Variants in RASSF8 observed in about 807,000 individuals in gnomAD.
RASSF8 encodes the protein Ras association domain family member 8.
RASSF8 carries 22 observed loss-of-function variants against 48.5 expected under a neutral mutation model. That is an observed-to-expected ratio of 0.45 (90% CI 0.32 to 0.65). The LOEUF (loss-of-function observed/expected upper bound fraction) is 0.65, where lower values mean the gene tolerates loss of function less well. RASSF8 is among the 30% of genes least tolerant of loss of function. The probability of loss-of-function intolerance (pLI) is 0.03; values close to 1 mark genes in which losing one functional copy is unlikely to be tolerated. For missense variants in RASSF8, 418 were observed against 489.2 expected (o/e 0.85, Z 1.37); for synonymous variants, 127 against 171.5 (o/e 0.74, Z 2.03).
chr12:25,989,463 C>G (rs188000407), intron 1 of RASSF8, among the ~76,000 whole-genome samples: 1 of 149,562 alleles, frequency 6.7e-6, no homozygotes, highest in Non-Finnish European at 1.5e-5. Flanking sequence ...CTTATCAAAA[C>G]GGCGAAGTTG....
rs1941394839 is a variant in RASSF8 at position 25,967,889 on chromosome 12, C to T, written c.-203+8741C>T. Reference sequence around the variant, plus strand: ...GGAGTTAGAGACAACCCTGTCTGTTCAAGTCATGCAAGGATGGGAGAAGAG... The same window carrying T: ...GGAGTTAGAGACAACCCTGTCTGTTTAAGTCATGCAAGGATGGGAGAAGAG... On this transcript the variant is annotated intron_variant, in intron 1 of 5. Coordinates refer to ENST00000689635, the MANE Select transcript of RASSF8 (RefSeq NM_001394098.1). 2.6e-5 allele frequency among the ~76,000 whole-genome samples: 4 copies of T among 152,184 alleles called. No individual in the cohort carries two copies. The South Asian group carries it at 8.3e-4, about 32-fold the overall frequency.
In RASSF8 at chr12:25,965,768, A is replaced by C. The variant is rs146860251; in HGVS notation, c.-203+6620A>C. Among the ~76,000 whole-genome samples the C allele has an allele frequency of 2.5e-3, 374 of 152,314 alleles. 3 individuals are homozygous for C. The highest frequency in any genetic ancestry group is 8.5e-3 in the African/African-American group (354 of 41,560). On this transcript the variant is annotated intron_variant, in intron 1 of 5. Transcript: ENST00000689635. ...TTCAAATTTTCTGGAATTTTAGATT[A>C]ATGGAATTATGCAGTAATATACTTT...
intron 2 of RASSF8, among the ~76,000 whole-genome samples, chr12:26,047,368 T>TA: frequency 6.6e-6 from 1 of 152,352 alleles, no homozygotes; most frequent in African/African-American, 2.4e-5. Context: ...CTTATATCAA[T>TA]AATAACTCAT....
At chr12:26,010,072 T>C (rs1304753610) in intron 2 of RASSF8, among the ~76,000 whole-genome samples, 1 of 152,080 alleles carries the variant, frequency 6.6e-6, no homozygotes, top group East Asian at 1.9e-4. Context: ...GCCCCTGCAG[T>C]AGTACTGGTC....
chr12:26,063,378 G>A (rs752957881), intron 3 of RASSF8, among the ~76,000 whole-genome samples: 2 of 151,834 alleles, frequency 1.3e-5, no homozygotes, highest in African/African-American at 2.4e-5. Flanking sequence ...ATGTATATGT[G>A]ATTGTATTCT....
intron 2 of RASSF8, among the ~76,000 whole-genome samples, chr12:26,017,868 C>G (rs1054518460): frequency 2.0e-5 from 3 of 152,194 alleles, no homozygotes; most frequent in Non-Finnish European, 4.4e-5. Flanking sequence ...GGGTCCAGAT[C>G]CATTTTCATA....
intron 2 of RASSF8, among the ~76,000 whole-genome samples, chr12:26,040,279 A>G (rs937457476): frequency 1.3e-5 from 2 of 152,224 alleles, no homozygotes; most frequent in African/African-American, 4.8e-5. Flanking sequence ...TTGGAACCAG[A>G]AAATTTCCCA....
At chr12:26,009,807 G>T (rs1450549556) in intron 2 of RASSF8, among the ~76,000 whole-genome samples, 1 of 152,216 alleles carries the variant, frequency 6.6e-6, no homozygotes, top group Non-Finnish European at 1.5e-5. Flanking sequence ...AGATGGTAGG[G>T]GCAAAAGCAT....
chr12:26,027,269 A>G (rs1169664531), intron 2 of RASSF8, among the ~76,000 whole-genome samples: 4 of 152,204 alleles, frequency 2.6e-5, no homozygotes, highest in Admixed American at 6.5e-5. Context: ...GTAACTGGTG[A>G]TAGTTCCATA....
intron 1 of RASSF8, among the ~76,000 whole-genome samples, chr12:25,983,741 A>G (rs1941799276): frequency 6.6e-6 from 1 of 152,204 alleles, no homozygotes; most frequent in African/African-American, 2.4e-5. Flanking sequence ...GATTGTAGAA[A>G]GCATAAGGCA....
chr12:26,045,567 T>G (rs962534807), intron 2 of RASSF8, among the ~76,000 whole-genome samples: 1 of 152,210 alleles, frequency 6.6e-6, no homozygotes, highest in Non-Finnish European at 1.5e-5. Context: ...GACATTTGGC[T>G]CTTTGAAGCC....
chr12:25,993,544 G>A (rs543833324), intron 1 of RASSF8, among the ~76,000 whole-genome samples: 1 of 152,176 alleles, frequency 6.6e-6, no homozygotes, highest in Non-Finnish European at 1.5e-5. Flanking sequence ...CCCAAGGATG[G>A]GAATGAGGGT....
intron 2 of RASSF8, among the ~76,000 whole-genome samples, chr12:26,018,453 A>G (rs1942704831): frequency 1.3e-5 from 2 of 152,152 alleles, no homozygotes; most frequent in Non-Finnish European, 2.9e-5. Context: ...TTTATGTACT[A>G]AAAAAACTAA....
chr12:26,034,199 A>T (rs1203448718), intron 2 of RASSF8, among the ~76,000 whole-genome samples: 1 of 152,098 alleles, frequency 6.6e-6, no homozygotes, highest in African/African-American at 2.4e-5. Context: ...TTCAACTAAG[A>T]TAATCACAGC....
At chr12:26,045,458 C>A (rs1230279519) in intron 2 of RASSF8, among the ~76,000 whole-genome samples, 1 of 152,108 alleles carries the variant, frequency 6.6e-6, no homozygotes, top group Admixed American at 6.6e-5. Context: ...TGTTTTATTA[C>A]CGTTTCCTCA....
chr12:26,076,173 G>T (rs2137355939), downstream of RASSF8, among the ~76,000 whole-genome samples: 1 of 151,984 alleles, frequency 6.6e-6, no homozygotes, highest in Middle Eastern at 3.4e-3. Context: ...CCCGATTCTT[G>T]CAAATAGTGC....
intron 1 of RASSF8, among the ~76,000 whole-genome samples, chr12:25,994,272 G>T (rs1861057446): frequency 3.4e-5 from 1 of 29,008 alleles, no homozygotes; most frequent in Admixed American, 4.5e-4. Context: ...TGTCTGGATA[G>T]ATTTTTAAAA....
chr12:25,972,831 G>T (rs771462435), intron 1 of RASSF8, among the ~76,000 whole-genome samples: 9 of 152,156 alleles, frequency 5.9e-5, no homozygotes, highest in Non-Finnish European at 1.2e-4. Context: ...TGCATCAAGT[G>T]CACAGATCGA....
intron 1 of RASSF8, among the ~76,000 whole-genome samples, chr12:25,964,927 A>G (rs1941321999): frequency 6.6e-6 from 1 of 151,852 alleles, no homozygotes; most frequent in Non-Finnish European, 1.5e-5. Flanking sequence ...TTTTTTAAAC[A>G]GCTTTATTTA....
Sources: allele counts gnomAD v4.1 joint callset (sites outside exome capture counted in the v4.1 genomes callset), GRCh38; gene constraint gnomAD v4.1.1; transcripts MANE v1.5; gene names NCBI Gene and HGNC (gene_info 2026-07-23, HGNC 2026-07-21).